Variants in TRAF5 observed in about 807,000 individuals in gnomAD.
TRAF5 encodes TNF receptor associated factor 5, also known as TNF receptor-associated factor 5.
TRAF5 carries 48 observed loss-of-function variants against 64.5 expected under a neutral mutation model. The observed-to-expected ratio is 0.74, with a 90% CI of 0.59 to 0.95. The LOEUF is 0.95. Ranked by LOEUF, TRAF5 falls within the 40% of genes least tolerant of loss-of-function variation. The probability of loss-of-function intolerance (pLI) is 0.00; values close to 1 mark genes in which losing one functional copy is unlikely to be tolerated. For synonymous variants in TRAF5, 206 were observed against 240.5 expected, an observed-to-expected ratio of 0.86 and a Z score of 1.33; for missense variants, 545 against 662.8, an observed-to-expected ratio of 0.82 and a Z score of 1.95.
At chr1:211,354,044 T>C (rs1702880503) in intron 2 of TRAF5, among the ~76,000 whole-genome samples, 1 of 152,234 alleles carries the variant, frequency 6.6e-6, no homozygotes, top group South Asian at 2.1e-4. Context: ...ACCTGTGTGT[T>C]CTGTGCTGTC....
chr1:211,327,136 T>G (rs1292014532), intron 1 of TRAF5, among the ~76,000 whole-genome samples: 56 of 151,618 alleles, frequency 3.7e-4, no homozygotes, highest in Non-Finnish European at 7.2e-4. Flanking sequence ...GCGGGAGCGG[T>G]GCGGAGCGGG....
intron 9 of TRAF5, among the ~76,000 whole-genome samples, chr1:211,370,378 AACACACACACACAC>A (rs67207558): frequency 5.4e-5 from 8 of 147,978 alleles, no homozygotes; most frequent in Non-Finnish European, 4.5e-5. Context: ...TTATACATTA[AACACACACACACAC>A]ACACACACAC....
intron 1 of TRAF5, among the ~76,000 whole-genome samples, chr1:211,337,011 C>G (rs56380051): frequency 6.6e-6 from 1 of 152,036 alleles, no homozygotes; most frequent in East Asian, 1.9e-4. Flanking sequence ...GGATTAAAGG[C>G]GTGAGCCGCT....
chr1:211,356,353 T>C lies in TRAF5; in HGVS notation c.277-14T>C, dbSNP rs538958063. On this transcript the variant is annotated splice_polypyrimidine_tract_variant and intron_variant, in intron 3 of 10. Transcript: ENST00000261464. ...ACTTTGAAGTGTGTGAGACCTATTATGTTTATCTTTTAGGTTTTTAAAGAC... is the reference window on the plus strand; with the variant it reads ...ACTTTGAAGTGTGTGAGACCTATTACGTTTATCTTTTAGGTTTTTAAAGAC... The C allele has an allele frequency of 6.2e-7, 1 of 1,603,924 alleles. No homozygotes were observed. Among genetic ancestry groups the C allele is most frequent in the African/African-American group, 1.3e-5 (1 of 74,834 alleles).
intron 1 of TRAF5, among the ~76,000 whole-genome samples, chr1:211,348,616 A>G (rs1337027178): frequency 6.6e-6 from 1 of 151,948 alleles, no homozygotes; most frequent in Non-Finnish European, 1.5e-5. Flanking sequence ...TTTGCATTTT[A>G]CATTCATGTC....
intron 7 of TRAF5, among the ~76,000 whole-genome samples, chr1:211,361,624 G>T (rs1558145125): frequency 1.3e-5 from 2 of 150,702 alleles, no homozygotes; most frequent in African/African-American, 2.4e-5. Context: ...CTTGTTTTGA[G>T]CAAACAATTG....
chr1:211,348,737 T>G (rs908512768), intron 1 of TRAF5, among the ~76,000 whole-genome samples: 14 of 152,194 alleles, frequency 9.2e-5, no homozygotes, highest in Non-Finnish European at 1.9e-4. Flanking sequence ...AAGATTATCT[T>G]TGCATCATTG....
chr1:211,374,367 T>C lies in TRAF5; in HGVS notation c.*1665T>C. 1 of 152,664 alleles carries C rather than the reference T, an allele frequency of 6.6e-6. No individual in the cohort carries two copies. The highest frequency in any genetic ancestry group is 1.9e-4 in the East Asian group (1 of 5,192). The allele number at this position is 152,664 out of a possible 1,614,324, so 9.5% of individuals were successfully genotyped here. A position where few individuals can be genotyped will look rare whatever the true frequency, so the allele number is the denominator to read the frequency against. On this transcript the variant is annotated 3_prime_UTR_variant, in exon 11 of 11. Transcript: ENST00000261464. The stretch of plus-strand genomic sequence containing the variant: ...CCCTGTAGAGCTGCTTACCTGGTGA[T>C]GACCATGCACCTTACAATTTCTGAA...
intron 7 of TRAF5, among the ~76,000 whole-genome samples, chr1:211,364,020 C>T (rs1249466640): frequency 6.6e-6 from 1 of 151,914 alleles, no homozygotes; most frequent in African/African-American, 2.4e-5. Context: ...GCCTCAGCAC[C>T]AGAGCTTGGG....
chr1:211,367,727 G>A (rs764881197), intron 8 of TRAF5, among the ~76,000 whole-genome samples: 3 of 152,192 alleles, frequency 2.0e-5, no homozygotes, highest in Admixed American at 6.5e-5. Flanking sequence ...TTTGCTTTTG[G>A]TCAGGCAGGT....
At chr1:211,338,551 C>T (rs1245527589) in intron 1 of TRAF5, among the ~76,000 whole-genome samples, 1 of 152,112 alleles carries the variant, frequency 6.6e-6, no homozygotes, top group Non-Finnish European at 1.5e-5. Flanking sequence ...ATTTATGTGC[C>T]AGGAATTGTG....
chr1:211,372,369 C>T lies in TRAF5; in HGVS notation c.1341C>T (p.Tyr447=). ...GCTACCGGCTCTGTGCTAGAGCATACCTGAATGGGGATGGGTCAGGGAGGG... is the reference window on the plus strand; with the variant it reads ...GCTACCGGCTCTGTGCTAGAGCATATCTGAATGGGGATGGGTCAGGGAGGG... The part of the protein sequence containing the change: ...RCGYRLCARA[Y]LNGDGSGRGS... Residue 447 remains tyrosine (Y), a synonymous_variant, in exon 11 of 11, where the codon TAC becomes TAT. Coordinates refer to ENST00000261464, the MANE Select transcript of TRAF5 (RefSeq NM_001033910.3). The T allele has an allele frequency of 6.2e-7, 1 of 1,614,096 alleles. No homozygotes were observed. Among genetic ancestry groups the T allele is most frequent in the Non-Finnish European group, 8.5e-7 (1 of 1,180,014 alleles).
intron 6 of TRAF5, 91 bp downstream of exon 6, chr1:211,360,870 G>T: frequency 8.1e-7 from 1 of 1,227,658 alleles, no homozygotes; most frequent in Admixed American, 1.8e-5. Flanking sequence ...CCAAAGATAA[G>T]GGCCCAGGGC....
intron 1 of TRAF5, among the ~76,000 whole-genome samples, chr1:211,333,555 T>G (rs1702215652): frequency 6.6e-6 from 1 of 152,004 alleles, no homozygotes; most frequent in African/African-American, 2.4e-5. Context: ...TGGAGTGCAG[T>G]GGTGCAATCT....
chr1:211,372,797 C>T lies in TRAF5; in HGVS notation c.*95C>T. Reference sequence around the variant, plus strand: ...TATTGACCTGGATTTAGACTCAAAGCACATTTGTATTTGCCTTTTTCCTTA... The same window carrying T: ...TATTGACCTGGATTTAGACTCAAAGTACATTTGTATTTGCCTTTTTCCTTA... On this transcript the variant is annotated 3_prime_UTR_variant, in exon 11 of 11. Coordinates refer to ENST00000261464, the MANE Select transcript of TRAF5 (RefSeq NM_001033910.3). The T allele has an allele frequency of 8.6e-7, 1 of 1,164,298 alleles. No homozygotes were observed. Among genetic ancestry groups the T allele is most frequent in the Admixed American group, 2.3e-5 (1 of 43,472 alleles). 72.1% of individuals were successfully genotyped at this position (1,164,298 alleles called of 1,614,324 possible).
intron 8 of TRAF5, among the ~76,000 whole-genome samples, chr1:211,367,931 AAAC>A (rs1371016674): frequency 6.6e-6 from 1 of 152,206 alleles, no homozygotes; most frequent in East Asian, 1.9e-4. Flanking sequence ...GAGAAGACCA[AAAC>A]AACAACAAAA....
At chr1:211,370,844 C>T (rs182962988) in intron 9 of TRAF5, among the ~76,000 whole-genome samples, 2 of 152,198 alleles carry the variant, frequency 1.3e-5, no homozygotes, top group African/African-American at 2.4e-5. Flanking sequence ...AAGTTTAGGC[C>T]GTACTCAGGG....
chr1:211,355,396 C>T (rs187291777), intron 3 of TRAF5, among the ~76,000 whole-genome samples: 10 of 152,024 alleles, frequency 6.6e-5, no homozygotes, highest in South Asian at 2.1e-4. Flanking sequence ...ATCTAAGAAA[C>T]GATTGTCTGT....
intron 1 of TRAF5, among the ~76,000 whole-genome samples, chr1:211,332,886 G>C (rs1702192709): frequency 6.6e-6 from 1 of 152,192 alleles, no homozygotes; most frequent in African/African-American, 2.4e-5. Flanking sequence ...AGTACTTTGG[G>C]ATGTTGCCTC....
Sources: gnomAD v4.1 joint callset for allele counts (sites outside exome capture counted in the v4.1 genomes callset) on GRCh38, gnomAD v4.1.1 for gene constraint, MANE v1.5 for transcripts, NCBI Gene and HGNC (gene_info 2026-07-23, HGNC 2026-07-21) for gene names.